Variants in KDELR2 observed in about 807,000 individuals in gnomAD.
KDELR2 encodes KDEL endoplasmic reticulum protein retention receptor 2.
KDELR2 carries 15 observed loss-of-function variants against 23.9 expected under a neutral mutation model. The ratio of observed to expected loss-of-function variants is 0.63; its 90% CI spans 0.42 to 0.97. The LOEUF (loss-of-function observed/expected upper bound fraction) is 0.97, where lower values mean the gene tolerates loss of function less well. KDELR2 is among the 50% of genes least tolerant of loss of function. KDELR2 has a pLI of 0.00. For missense variants in KDELR2, 272 were observed against 254.6 expected, an observed-to-expected ratio of 1.07 and a Z score of -0.46; for synonymous variants, 119 against 106.2, an observed-to-expected ratio of 1.12 and a Z score of -0.74.
At position 6,483,957 on chromosome 7, in the gene KDELR2, C is replaced by A; in HGVS notation, c.91+10G>T. On this transcript the variant is annotated intron_variant, in intron 1 of 4. Coordinates refer to ENST00000258739, the MANE Select transcript of KDELR2 (RefSeq NM_006854.4). ...GCCCGAGCCTCTCCGGGCCTTCCCCCGCCGCTCACCGGCGCAGGAGCGCGT... is the reference window on the plus strand; with the variant it reads ...GCCCGAGCCTCTCCGGGCCTTCCCCAGCCGCTCACCGGCGCAGGAGCGCGT... The A allele has an allele frequency of 6.6e-7, 1 of 1,506,608 alleles. No homozygotes were observed. Among genetic ancestry groups the A allele is most frequent in the African/African-American group, 1.4e-5 (1 of 69,236 alleles). 93.3% of individuals were successfully genotyped at this position (1,506,608 alleles called of 1,614,324 possible).
rs752617568 is a variant in KDELR2, at chr7:6,466,123, G to A, written c.552C>T (p.Gly184=). The change falls in exon 4 of 5, where the codon GGC becomes GGT. Residue 184 remains glycine (G), a synonymous_variant. Coordinates refer to ENST00000258739, the MANE Select transcript of KDELR2 (RefSeq NM_006854.4). ...GFFDLIAVVA[G]VVQTILYCDF... is the part of the protein sequence containing the mutation. ...CACAGTATAGGATGGTCTGGACTACGCCGGCCACCACAGCAATGAGGTCAA... is the reference window on the plus strand; with the variant it reads ...CACAGTATAGGATGGTCTGGACTACACCGGCCACCACAGCAATGAGGTCAA... 144 of 1,613,998 alleles carry A rather than the reference G, an allele frequency of 8.9e-5. No individual in the cohort carries two copies. The highest frequency in any genetic ancestry group is 4.7e-4 in the East Asian group (21 of 44,898).
At chr7:6,473,203 G>A (rs1047528094) in intron 2 of KDELR2, among the ~76,000 whole-genome samples, 3 of 151,176 alleles carry the variant, frequency 2.0e-5, no homozygotes, top group African/African-American at 4.9e-5. Context: ...GATTACAGGC[G>A]GGAGCTACTG....
intron 2 of KDELR2, among the ~76,000 whole-genome samples, chr7:6,471,181 T>G (rs1175940466): frequency 1.7e-5 from 2 of 120,236 alleles, no homozygotes; most frequent in Non-Finnish European, 3.6e-5. Flanking sequence ...TTTCGGTTTT[T>G]TTTTTTTTTT....
intron 1 of KDELR2, among the ~76,000 whole-genome samples, chr7:6,483,257 G>A (rs1176656070): frequency 2.0e-5 from 3 of 152,194 alleles, no homozygotes; most frequent in African/African-American, 7.2e-5. Context: ...ATTAGATGGA[G>A]GCACTTAAAA....
chr7:6,464,902 AATTTTGT>A (rs1785468842), intron 4 of KDELR2, among the ~76,000 whole-genome samples: 1 of 151,670 alleles, frequency 6.6e-6, no homozygotes, highest in Non-Finnish European at 1.5e-5. Flanking sequence ...ACACCCGGCT[AATTTTGT>A]ATTTTTAGTA....
In KDELR2 at chr7:6,463,310, T is replaced by G. The variant is rs146443807; in HGVS notation, c.605-135A>C. On this transcript the variant is annotated intron_variant, in intron 4 of 4. Coordinates refer to ENST00000258739, the MANE Select transcript of KDELR2 (RefSeq NM_006854.4). ...AGGTATAGGAAATAAGCAATTGTAT[T>G]TTAAAAATACAAATTTGATTGAAAG... 14 of 675,864 alleles carry G rather than the reference T, an allele frequency of 2.1e-5. No homozygotes were observed. The East Asian group carries it at 3.8e-4, about 18-fold the overall frequency. The allele number at this position is 675,864 out of a possible 1,614,324, so 41.9% of individuals were successfully genotyped here. A position where few individuals can be genotyped will look rare whatever the true frequency, so the allele number is the denominator to read the frequency against.
intron 2 of KDELR2, chr7:6,473,983 A>G (rs533248482): frequency 6.9e-4 from 294 of 424,180 alleles, no homozygotes; most frequent in Non-Finnish European, 1.1e-3. Flanking sequence ...CTGTTTTGAA[A>G]CCAAAAATGT....
At chr7:6,469,492 T>C (rs1035483975) in intron 3 of KDELR2, 104 bp downstream of exon 3, 6 of 1,072,140 alleles carry the variant, frequency 5.6e-6, no homozygotes, top group African/African-American at 4.8e-5. Flanking sequence ...CCTGACCTCA[T>C]GATCCACCCA....
chr7:6,482,160 G>A (rs563755508), intron 1 of KDELR2, among the ~76,000 whole-genome samples: 9 of 152,074 alleles, frequency 5.9e-5, no homozygotes, highest in African/African-American at 1.7e-4. Context: ...GCACCACCAC[G>A]CCCGGCTAAT....
At chr7:6,476,577 C>T (rs781005165) in intron 1 of KDELR2, among the ~76,000 whole-genome samples, 9 of 152,190 alleles carry the variant, frequency 5.9e-5, no homozygotes, top group Non-Finnish European at 7.3e-5. Context: ...AAGGGTTTTA[C>T]TCTAACAGAA....
At chr7:6,480,661 A>C (rs1488985568) in intron 1 of KDELR2, among the ~76,000 whole-genome samples, 2 of 152,184 alleles carry the variant, frequency 1.3e-5, no homozygotes, top group Non-Finnish European at 2.9e-5. Flanking sequence ...TCAGTGCTAA[A>C]ATCCTAAAAA....
At chr7:6,474,919 T>A (rs908622540) in intron 1 of KDELR2, among the ~76,000 whole-genome samples, 9 of 152,216 alleles carry the variant, frequency 5.9e-5, no homozygotes, top group Non-Finnish European at 1.2e-4. Context: ...ATTACAGGTA[T>A]GAGCCATGTC....
intron 1 of KDELR2, among the ~76,000 whole-genome samples, chr7:6,474,855 C>T (rs559951699): frequency 6.6e-6 from 1 of 152,224 alleles, no homozygotes; most frequent in Admixed American, 6.5e-5. Flanking sequence ...TTTTGTTCAC[C>T]ATGTTGCCCA....
intron 4 of KDELR2, among the ~76,000 whole-genome samples, chr7:6,463,559 G>A (rs747599834): frequency 1.1e-4 from 16 of 151,156 alleles, no homozygotes; most frequent in African/African-American, 1.5e-4. Context: ...AAGTGAGAGC[G>A]ACCCCATCTC....
chr7:6,473,866 A>G (rs1015104374), intron 2 of KDELR2, among the ~76,000 whole-genome samples: 3 of 152,218 alleles, frequency 2.0e-5, no homozygotes, highest in Non-Finnish European at 4.4e-5. Context: ...GCTTGAAAAT[A>G]TAATAGTTAC....
intron 2 of KDELR2, 137 bp downstream of exon 2, chr7:6,474,047 G>T (rs1442485206): frequency 1.7e-6 from 1 of 584,310 alleles, no homozygotes; most frequent in Admixed American, 3.1e-5. Flanking sequence ...TGGTCTGAAA[G>T]TTTTAAAGTC....
Position 6,474,822 on chromosome 7 carries a change from C to T in KDELR2, c.92-538G>A, listed in dbSNP as rs74596041. Among the ~76,000 whole-genome samples the T allele has an allele frequency of 3.9e-5, 6 of 152,160 alleles. No individual in the cohort carries two copies. The South Asian group carries it at 1.2e-3, about 32-fold the overall frequency. On this transcript the variant is annotated intron_variant, in intron 1 of 4. Transcript: ENST00000258739. ...GGGACTAGAGGTGTGAACTACCACA[C>T]CCAGCTAATTTTTAAACAAATTTTT...
At chr7:6,467,590 G>C (rs1034814027) in intron 3 of KDELR2, among the ~76,000 whole-genome samples, 7 of 152,070 alleles carry the variant, frequency 4.6e-5, no homozygotes, top group African/African-American at 7.2e-5. Flanking sequence ...GTGAAACCCG[G>C]TCTCTACTAA....
intron 4 of KDELR2, among the ~76,000 whole-genome samples, chr7:6,463,803 A>G (rs1785438448): frequency 6.6e-6 from 1 of 151,446 alleles, no homozygotes; most frequent in African/African-American, 2.4e-5. Flanking sequence ...GCTCACGCCT[A>G]TACTTCCGGC....
Sources: gnomAD v4.1 joint callset for allele counts (sites outside exome capture counted in the v4.1 genomes callset) on GRCh38, gnomAD v4.1.1 for gene constraint, MANE v1.5 for transcripts, NCBI Gene and HGNC (gene_info 2026-07-23, HGNC 2026-07-21) for gene names.